RAB11FIP4: variants seen among roughly 807,000 people sequenced by gnomAD.
RAB11FIP4 encodes the protein rab11 family-interacting protein 4.
A neutral mutation model predicts 74.3 loss-of-function variants in RAB11FIP4; 23 were observed. That is an observed-to-expected ratio of 0.31 (90% CI 0.22 to 0.44). The LOEUF (loss-of-function observed/expected upper bound fraction) is 0.44. Ranked by LOEUF, RAB11FIP4 falls within the 20% of genes least tolerant of loss-of-function variation. The probability of loss-of-function intolerance (pLI) is 1.00; values close to 1 mark genes in which losing one functional copy is unlikely to be tolerated. For synonymous variants in RAB11FIP4, 360 were observed against 359.9 expected (o/e 1.00, Z 0.00); for missense variants, 630 against 863.9 (o/e 0.73, Z 3.39).
chr17:31,442,150 C>T (rs937928440), intron 3 of RAB11FIP4, among the ~76,000 whole-genome samples: 7 of 151,982 alleles, frequency 4.6e-5, no homozygotes, highest in Non-Finnish European at 1.0e-4. Context: ...AGGTGCCCGC[C>T]ACCACGCCTG....
At chr17:31,442,385 G>A (rs2071414535) in intron 3 of RAB11FIP4, among the ~76,000 whole-genome samples, 1 of 152,210 alleles carries the variant, frequency 6.6e-6, no homozygotes, top group African/African-American at 2.4e-5. Context: ...TTTCCCCACA[G>A]CAGCAATCGT....
intron 3 of RAB11FIP4, among the ~76,000 whole-genome samples, chr17:31,468,350 T>G (rs931668209): frequency 6.6e-6 from 1 of 152,158 alleles, no homozygotes; most frequent in Admixed American, 6.6e-5. Flanking sequence ...TTGAGAGGCC[T>G]GGGGCAGAGT....
At chr17:31,426,758 C>G (rs2071255434) in intron 1 of RAB11FIP4, among the ~76,000 whole-genome samples, 2 of 151,768 alleles carry the variant, frequency 1.3e-5, no homozygotes, top group Non-Finnish European at 2.9e-5. Context: ...ACCACCATGC[C>G]CAGCTACTTT....
chr17:31,526,149 C>T (rs1339916498), intron 10 of RAB11FIP4: 1 of 152,252 alleles, frequency 6.6e-6, no homozygotes, highest in Non-Finnish European at 1.5e-5. Context: ...TGACTCTATT[C>T]TAGAAGCTGC....
intron 3 of RAB11FIP4, among the ~76,000 whole-genome samples, chr17:31,502,678 G>T (rs2072244790): frequency 6.6e-6 from 1 of 152,210 alleles, no homozygotes; most frequent in Non-Finnish European, 1.5e-5. Context: ...CTGAGCTTGG[G>T]TTGGGGTTTC....
intron 3 of RAB11FIP4, among the ~76,000 whole-genome samples, chr17:31,510,966 G>A (rs967193916): frequency 1.3e-5 from 2 of 152,188 alleles, no homozygotes; most frequent in Non-Finnish European, 2.9e-5. Flanking sequence ...AAGCTGCAGT[G>A]AGCTGTGATT....
intron 3 of RAB11FIP4, among the ~76,000 whole-genome samples, chr17:31,515,047 G>A (rs72815699): frequency 1.4e-4 from 21 of 152,280 alleles, no homozygotes; most frequent in African/African-American, 4.1e-4. Flanking sequence ...CTTCTGATGC[G>A]CTACTCTTTG....
chr17:31,429,535 T>C (rs2071285784), intron 1 of RAB11FIP4, among the ~76,000 whole-genome samples: 1 of 152,048 alleles, frequency 6.6e-6, no homozygotes, highest in South Asian at 2.1e-4. Context: ...TCCGTAAAAA[T>C]TGGTCTCCTG....
intron 9 of RAB11FIP4, 59 bp downstream of exon 9, chr17:31,524,055 CAT>C: frequency 7.7e-7 from 1 of 1,293,978 alleles, no homozygotes; most frequent in African/African-American, 1.4e-5. Flanking sequence ...AAGGGGGGTC[CAT>C]CTTGCTAAGA....
At position 31,513,499 on chromosome 17, in the gene RAB11FIP4, C is replaced by T. The variant is rs376948994; in HGVS notation, c.337-4152C>T. On this transcript the variant is annotated intron_variant, in intron 3 of 14. Transcript: ENST00000621161. ...TCCACCAGACCCTTCCCCAGAGGGC[C>T]GGGGAAACAAGAGCTGGGGCTGGGG... 1.5e-3 allele frequency among the ~76,000 whole-genome samples: 229 copies of T among 152,174 alleles called. 1 individual carries two copies. The highest frequency in any genetic ancestry group is 4.2e-3 in the African/African-American group (175 of 41,520).
chr17:31,409,997 CT>C (rs1280786552), intron 1 of RAB11FIP4, among the ~76,000 whole-genome samples: 2 of 152,190 alleles, frequency 1.3e-5, no homozygotes, highest in Non-Finnish European at 2.9e-5. Flanking sequence ...AGATTTCCAG[CT>C]TGCCGGCTCT....
intron 1 of RAB11FIP4, among the ~76,000 whole-genome samples, chr17:31,427,447 A>G (rs1597910731): frequency 6.6e-6 from 1 of 150,908 alleles, no homozygotes; most frequent in Non-Finnish European, 1.5e-5. Flanking sequence ...AAACAACCCC[A>G]CCCCCACCTC....
chr17:31,419,751 T>C (rs1042463073), intron 1 of RAB11FIP4, among the ~76,000 whole-genome samples: 11 of 152,008 alleles, frequency 7.2e-5, no homozygotes, highest in African/African-American at 2.7e-4. Flanking sequence ...GGGGTTTCAC[T>C]GTGTTAGCCA....
intron 3 of RAB11FIP4, among the ~76,000 whole-genome samples, chr17:31,456,200 C>A (rs17826730): frequency 6.6e-6 from 1 of 152,230 alleles, no homozygotes; most frequent in African/African-American, 2.4e-5. Context: ...GCTGATTTGT[C>A]ATCCTGTGTA....
intron 3 of RAB11FIP4, among the ~76,000 whole-genome samples, chr17:31,445,752 A>C (rs1398072878): frequency 1.4e-5 from 2 of 145,478 alleles, no homozygotes; most frequent in African/African-American, 2.5e-5. Context: ...CTCCCGGCTA[A>C]TTTTTTTTTT....
In RAB11FIP4 at chr17:31,445,552, ATATATATATATATATATATATATATAT is replaced by A. The variant is rs1337943402; in HGVS notation, c.336+11432_336+11458del. Among the ~76,000 whole-genome samples, 78 of 38,722 alleles carry A rather than the reference ATATATATATATATATATATATATATAT, an allele frequency of 2.0e-3. 5 individuals are homozygous for A. The highest frequency in any genetic ancestry group is 2.9e-3 in the South Asian group (3 of 1,040). 25.4% of individuals were successfully genotyped at this position (38,722 alleles called of 152,430 possible). A position where few individuals can be genotyped will look rare whatever the true frequency, so the allele number is the denominator to read the frequency against. On this transcript the variant is annotated intron_variant, in intron 3 of 14. Transcript: ENST00000621161. ...CAATTTTATATATATATATATATAT[ATATATATATATATATATATATATATAT>A]TTTTTTTTTTTTTTTTTTTTTTTTG... is the stretch of plus-strand genomic sequence containing the variant.
chr17:31,484,661 C>A (rs899641020), intron 3 of RAB11FIP4, among the ~76,000 whole-genome samples: 1 of 151,930 alleles, frequency 6.6e-6, no homozygotes, highest in African/African-American at 2.4e-5. Context: ...CTTCTCTGAA[C>A]CCTGCTGGAA....
intron 3 of RAB11FIP4, among the ~76,000 whole-genome samples, chr17:31,458,808 T>A (rs113756362): frequency 0.012 from 1,764 of 152,338 alleles, 33 homozygotes; most frequent in African/African-American, 0.041. Flanking sequence ...TGAAACACGT[T>A]TGGGGCGAAG....
chr17:31,496,533 CCCT>C (rs2072119301), intron 3 of RAB11FIP4, among the ~76,000 whole-genome samples: 1 of 152,242 alleles, frequency 6.6e-6, no homozygotes, highest in Non-Finnish European at 1.5e-5. Context: ...TACTCTTCTT[CCCT>C]CGTCCTTCTC....
Sources: allele counts gnomAD v4.1 joint callset (sites outside exome capture counted in the v4.1 genomes callset), GRCh38; gene constraint gnomAD v4.1.1; transcripts MANE v1.5; gene names NCBI Gene and HGNC (gene_info 2026-07-23, HGNC 2026-07-21).